Variants in C17orf99 observed in about 807,000 individuals in gnomAD.
The protein encoded by C17orf99 is protein IL-40.
C17orf99 carries 18 observed loss-of-function variants against 22.6 expected under a neutral mutation model. The observed-to-expected ratio is 0.80, with a 90% confidence interval of 0.55 to 1.18. C17orf99 has a LOEUF of 1.18. Ranked by LOEUF, C17orf99 falls within the 50% of genes most tolerant of loss-of-function variation. C17orf99 has a pLI of 0.00. For synonymous variants in C17orf99, 147 were observed against 136.6 expected (o/e 1.08, Z -0.53); for missense variants, 328 against 342.7 (o/e 0.96, Z 0.34).
chr17:78,146,919 G>A lies in C17orf99; in HGVS notation c.70+8G>A, dbSNP rs1485202396. On this transcript the variant is annotated splice_region_variant and intron_variant, in intron 2 of 4. Coordinates refer to ENST00000340363, the MANE Select transcript of C17orf99 (RefSeq NM_001163075.2). This position sits in a 1 kb window ranked among gnomAD's most constrained non-coding sequence, Gnocchi z 5.2. The stretch of plus-strand genomic sequence containing the variant: ...CCAAGGCACGGGAGGAAGGTAAGTG[G>A]CATAGCCTGCTGCAGGGAGAAGTCC... The A allele has an allele frequency of 1.9e-6, 3 of 1,551,348 alleles. No individual in the cohort carries two copies. Among genetic ancestry groups the A allele is most frequent in the Non-Finnish European group, 2.6e-6 (3 of 1,146,686 alleles).
rs1178766235 is a variant in C17orf99, at chr17:78,159,964, T to C, written c.71-991T>C. ...CAACCACATTCTATTTACCCATTCG[T>C]CCATTGATAGATATTTGGGCCGTTT... On this transcript the variant is annotated intron_variant, in intron 2 of 4. Coordinates refer to ENST00000340363, the MANE Select transcript of C17orf99 (RefSeq NM_001163075.2). 7.6e-5 allele frequency: 33 copies of C among 436,158 alleles called. No individual in the cohort carries two copies. The Admixed American group carries it at 8.5e-4, about 11-fold the overall frequency. The allele number at this position is 436,158 out of a possible 1,614,324, so 27.0% of individuals were successfully genotyped here.
intron 4 of C17orf99, chr17:78,164,791 G>A (rs1461894762): frequency 2.4e-5 from 30 of 1,259,298 alleles, no homozygotes; most frequent in East Asian, 1.6e-4. Context: ...GGCAAAGAGC[G>A]GCCATCACCG....
chr17:78,166,065 C>G lies in C17orf99; in HGVS notation c.*19C>G. 1 of 1,066,012 alleles carries G rather than the reference C, an allele frequency of 9.4e-7. No homozygotes were observed. The highest frequency in any genetic ancestry group is 1.3e-6 in the Non-Finnish European group (1 of 788,342). 66.0% of individuals were successfully genotyped at this position (1,066,012 alleles called of 1,614,324 possible). On this transcript the variant is annotated 3_prime_UTR_variant, in exon 5 of 5. Coordinates refer to ENST00000340363, the MANE Select transcript of C17orf99 (RefSeq NM_001163075.2). ...CATGTAGAATGAACCGTCCAGAGAG[C>G]CAAGCACGGCAGAGGACTGCAGGCC...
intron 2 of C17orf99, among the ~76,000 whole-genome samples, chr17:78,151,340 G>C (rs1045031323): frequency 1.5e-5 from 2 of 135,766 alleles, no homozygotes; most frequent in African/African-American, 5.7e-5. Flanking sequence ...CACAAGAATC[G>C]CTTGAAACCA....
At chr17:78,162,889 G>C (rs1451177778) in intron 3 of C17orf99, among the ~76,000 whole-genome samples, 20 of 152,268 alleles carry the variant, frequency 1.3e-4, no homozygotes, top group South Asian at 2.1e-4. Flanking sequence ...AGATTCAAGC[G>C]ATTCTCCTGC....
intron 2 of C17orf99, among the ~76,000 whole-genome samples, chr17:78,155,776 A>G (rs1277431037): frequency 1.3e-5 from 2 of 151,838 alleles, no homozygotes; most frequent in Admixed American, 6.6e-5. Context: ...ACAGGCATGT[A>G]CCACCATGCC....
intron 2 of C17orf99, among the ~76,000 whole-genome samples, chr17:78,150,101 C>T (rs981831291): frequency 6.6e-6 from 1 of 152,086 alleles, no homozygotes; most frequent in Non-Finnish European, 1.5e-5. Flanking sequence ...CTCCATCTCC[C>T]AGGCTCAAGC....
chr17:78,145,672 G>A (rs982912570), upstream of C17orf99, among the ~76,000 whole-genome samples: 7 of 152,182 alleles, frequency 4.6e-5, no homozygotes, highest in Non-Finnish European at 1.0e-4. Flanking sequence ...GTGATTACAT[G>A]AGGGTCACCT....
At chr17:78,151,570 G>A (rs1449316335) in intron 2 of C17orf99, among the ~76,000 whole-genome samples, 1 of 152,090 alleles carries the variant, frequency 6.6e-6, no homozygotes, top group African/African-American at 2.4e-5. Flanking sequence ...AGGCCCCGCG[G>A]GAGCACCTGC....
intron 3 of C17orf99, among the ~76,000 whole-genome samples, chr17:78,162,170 G>T (rs143798380): frequency 9.1e-4 from 139 of 152,006 alleles, no homozygotes; most frequent in African/African-American, 3.3e-3. Context: ...CAGCTACTGG[G>T]GAGGCTGAGG....
chr17:78,160,265 C>T (rs533081853), intron 2 of C17orf99, among the ~76,000 whole-genome samples: 15 of 152,170 alleles, frequency 9.9e-5, no homozygotes, highest in African/African-American at 2.6e-4. Context: ...CAGCCGGGCG[C>T]GGTGGCTCAC....
chr17:78,159,800 G>A (rs1351760411), intron 2 of C17orf99, among the ~76,000 whole-genome samples: 1 of 152,014 alleles, frequency 6.6e-6, no homozygotes, highest in African/African-American at 2.4e-5. Flanking sequence ...TCTGAACTTT[G>A]CACACACATG....
chr17:78,160,128 A>G, intron 2 of C17orf99: 1 of 456,170 alleles, frequency 2.2e-6, no homozygotes, highest in South Asian at 1.5e-5. Flanking sequence ...TAACTTTTTG[A>G]GGAACCACTA....
chr17:78,158,190 T>A (rs1360839352), intron 2 of C17orf99: 3 of 718,928 alleles, frequency 4.2e-6, no homozygotes, highest in Non-Finnish European at 7.5e-6. Context: ...GCTGCTGCAA[T>A]CAAGGCTCCC....
intron 4 of C17orf99, chr17:78,164,936 G>A: frequency 8.7e-7 from 1 of 1,152,192 alleles, no homozygotes; most frequent in Non-Finnish European, 1.1e-6. Context: ...TGGCCTCTGG[G>A]AGGGCAGTCT....
At chr17:78,161,421 G>A (rs983977826) in intron 3 of C17orf99, among the ~76,000 whole-genome samples, 167 bp downstream of exon 3, 1 of 152,206 alleles carries the variant, frequency 6.6e-6, no homozygotes, top group African/African-American at 2.4e-5. Flanking sequence ...GTCCCTTGGG[G>A]CCTTTAATCA....
Position 78,158,086 on chromosome 17 carries a change from G to A in C17orf99, c.71-2869G>A, listed in dbSNP as rs554289980. ...TGGAGGTGCGAGAGGACTTTCGTCT[G>A]CATGAGGGAGACCTTGGCAAAGAGA... On this transcript the variant is annotated intron_variant, in intron 2 of 4. Transcript: ENST00000340363. The A allele has an allele frequency of 1.1e-5, 11 of 995,792 alleles. No individual in the cohort carries two copies. In the African/African-American group the frequency reaches 1.5e-4, roughly 13 times the overall value. 61.7% of individuals were successfully genotyped at this position (995,792 alleles called of 1,614,324 possible). A position where few individuals can be genotyped will look rare whatever the true frequency, so the allele number is the denominator to read the frequency against.
chr17:78,146,780 C>A lies in C17orf99; in HGVS notation c.38-99C>A. 1 of 1,207,334 alleles carries A rather than the reference C, an allele frequency of 8.3e-7. No homozygotes were observed. Among genetic ancestry groups the A allele is most frequent in the Non-Finnish European group, 1.2e-6 (1 of 837,922 alleles). 74.8% of individuals were successfully genotyped at this position (1,207,334 alleles called of 1,614,324 possible). ...TGGGGCCTCACTACCAAGAATCAGCCTGCTCCTCCCTCCTGGCTTCAGCAG... is the reference window on the plus strand; with the variant it reads ...TGGGGCCTCACTACCAAGAATCAGCATGCTCCTCCCTCCTGGCTTCAGCAG... On this transcript the variant is annotated intron_variant, in intron 1 of 4. Coordinates refer to ENST00000340363, the MANE Select transcript of C17orf99 (RefSeq NM_001163075.2). This position sits in a 1 kb window ranked among gnomAD's most constrained non-coding sequence, Gnocchi z 5.2.
chr17:78,160,740 C>T (rs1444005249), intron 2 of C17orf99: 14 of 559,396 alleles, frequency 2.5e-5, no homozygotes, highest in East Asian at 2.4e-4. Flanking sequence ...GGCACCACCA[C>T]GCCCGGCTAA....
Sources: gnomAD v4.1 joint callset for allele counts (sites outside exome capture counted in the v4.1 genomes callset) on GRCh38, gnomAD v4.1.1 for gene constraint, Gnocchi (gnomAD v3.1) non-coding constraint, MANE v1.5 for transcripts, NCBI Gene and HGNC (gene_info 2026-07-23, HGNC 2026-07-21) for gene names.